RAPGEF4: variants seen among roughly 807,000 people sequenced by gnomAD.
RAPGEF4 encodes the protein RAP guanine-nucleotide-exchange factor (GEF) 4.
Under a neutral mutation model 147.9 loss-of-function variants are expected in RAPGEF4, and 66 were observed. The observed-to-expected ratio is 0.45, with a 90% CI of 0.37 to 0.55. The LOEUF (loss-of-function observed/expected upper bound fraction) is 0.55, where lower values mean the gene tolerates loss of function less well. Among genes scored for constraint, RAPGEF4 ranks in the 20% least tolerant of loss-of-function variants. The pLI is 0.00. For synonymous variants in RAPGEF4, 419 were observed against 442.7 expected, an observed-to-expected ratio of 0.95 and a Z score of 0.67; for missense variants, 1,071 against 1,257.3, an observed-to-expected ratio of 0.85 and a Z score of 2.24.
intron 4 of RAPGEF4, among the ~76,000 whole-genome samples, chr2:172,843,763 T>C (rs1691870184): frequency 6.6e-6 from 1 of 152,208 alleles, no homozygotes; most frequent in South Asian, 2.1e-4. Flanking sequence ...AGTCATAATT[T>C]CATGGATGAG....
chr2:172,965,690 T>C lies in RAPGEF4; in HGVS notation c.820+7T>C, dbSNP rs1404535490. The C allele has an allele frequency of 6.2e-7, 1 of 1,614,056 alleles. No individual in the cohort carries two copies. Among genetic ancestry groups the C allele is most frequent in the African/African-American group, 1.3e-5 (1 of 74,946 alleles). ...GATGGTGTTCTCAACCACGGTAAGATGAGCCCCAGTCCCTGGAAACCTCTC... is the reference window on the plus strand; with the variant it reads ...GATGGTGTTCTCAACCACGGTAAGACGAGCCCCAGTCCCTGGAAACCTCTC... On this transcript the variant is annotated splice_region_variant and intron_variant, in intron 9 of 30. Transcript: ENST00000397081.
chr2:172,776,097 G>C (rs1684135608), intron 1 of RAPGEF4, among the ~76,000 whole-genome samples: 1 of 152,092 alleles, frequency 6.6e-6, no homozygotes, highest in African/African-American at 2.4e-5. Context: ...ATGTCATCCT[G>C]ATTTATTTTT....
rs117903150 is a variant in RAPGEF4, at chr2:173,009,262, A to G, written c.1659-5202A>G. 5.9e-5 allele frequency among the ~76,000 whole-genome samples: 9 copies of G among 152,308 alleles called. No individual in the cohort carries two copies. The East Asian group carries it at 1.7e-3, about 29-fold the overall frequency. Reference sequence around the variant, plus strand: ...TTAAAGGCTCTTAAATAGCTGTGATATTTTTAAAGGTTTTTTGTTTTTTTA... The same window carrying G: ...TTAAAGGCTCTTAAATAGCTGTGATGTTTTTAAAGGTTTTTTGTTTTTTTA... On this transcript the variant is annotated intron_variant, in intron 17 of 30. Transcript: ENST00000397081.
intron 4 of RAPGEF4, among the ~76,000 whole-genome samples, chr2:172,912,934 C>T (rs1343251484): frequency 7.0e-6 from 1 of 142,668 alleles, no homozygotes; most frequent in Non-Finnish European, 1.5e-5. Flanking sequence ...GTTTGTCTGT[C>T]GCCCAGGATG....
chr2:172,857,688 C>G (rs1214938965), intron 4 of RAPGEF4, among the ~76,000 whole-genome samples: 1 of 151,838 alleles, frequency 6.6e-6, no homozygotes, highest in Non-Finnish European at 1.5e-5. Context: ...TTGAGACCAG[C>G]CTGCGAAACA....
rs573347991 is a variant in RAPGEF4 at position 172,960,769 on chromosome 2, A to G, written c.547A>G (p.Ile183Val). Reference sequence around the variant, plus strand: ...ACATTTTATTTTTCAGACACCTCTCATTGAACCTCACGTTCCTCTTCGTCC... The same window carrying G: ...ACATTTTATTTTTCAGACACCTCTCGTTGAACCTCACGTTCCTCTTCGTCC... Reference protein sequence around the residue: ...RIPDKENTPLIEPHVPLRPAN... With the variant: ...RIPDKENTPLVEPHVPLRPAN... Residue 183 changes from isoleucine (I) to valine (V), a missense_variant, in exon 7 of 31, where the codon ATT (isoleucine) becomes GTT (valine). Transcript: ENST00000397081. The G allele has an allele frequency of 1.5e-5, 24 of 1,604,334 alleles. No individual in the cohort carries two copies. Among genetic ancestry groups the G allele is most frequent in the Non-Finnish European group, 2.0e-5 (24 of 1,175,288 alleles).
chr2:173,024,143 G>C (rs980436776), intron 23 of RAPGEF4, among the ~76,000 whole-genome samples: 1 of 152,030 alleles, frequency 6.6e-6, no homozygotes, highest in Non-Finnish European at 1.5e-5. Context: ...ACAGTATTTC[G>C]CTCCTACATC....
intron 1 of RAPGEF4, among the ~76,000 whole-genome samples, chr2:172,784,248 G>C (rs1272259491): frequency 6.6e-6 from 1 of 152,192 alleles, no homozygotes; most frequent in Non-Finnish European, 1.5e-5. Flanking sequence ...GCCTGGAGCG[G>C]TGGCTCACGC....
At chr2:172,974,974 C>A (rs1177128600) in intron 10 of RAPGEF4, among the ~76,000 whole-genome samples, 1 of 152,256 alleles carries the variant, frequency 6.6e-6, no homozygotes, top group East Asian at 1.9e-4. Flanking sequence ...GTTTTACAAT[C>A]CATTGTCAAA....
At chr2:172,960,888 G>T in intron 7 of RAPGEF4, 75 bp downstream of exon 7, 2 of 1,237,884 alleles carry the variant, frequency 1.6e-6, no homozygotes, top group South Asian at 1.3e-5. Flanking sequence ...CCATATGTCA[G>T]GGGATCACAT....
intron 6 of RAPGEF4, among the ~76,000 whole-genome samples, chr2:172,930,751 A>C (rs1685835345): frequency 6.6e-6 from 1 of 152,218 alleles, no homozygotes; most frequent in African/African-American, 2.4e-5. Context: ...TCAGCCCAGT[A>C]CCTAAGCCTG....
intron 1 of RAPGEF4, among the ~76,000 whole-genome samples, chr2:172,779,590 G>A (rs1222103827): frequency 6.6e-6 from 1 of 152,190 alleles, no homozygotes; most frequent in African/African-American, 2.4e-5. Context: ...GCCAGGTGAT[G>A]TGGAAACTTT....
intron 4 of RAPGEF4, among the ~76,000 whole-genome samples, chr2:172,834,727 CT>C (rs1690735505): frequency 6.6e-6 from 1 of 152,124 alleles, no homozygotes; most frequent in Non-Finnish European, 1.5e-5. Flanking sequence ...AAACAAATGA[CT>C]TTTAACCACT....
chr2:172,877,353 A>G (rs1696075785), intron 4 of RAPGEF4, among the ~76,000 whole-genome samples: 1 of 152,136 alleles, frequency 6.6e-6, no homozygotes, highest in African/African-American at 2.4e-5. Context: ...AACATCACAC[A>G]TTGGGTCCTG....
intron 6 of RAPGEF4, among the ~76,000 whole-genome samples, chr2:172,937,746 A>G (rs576837874): frequency 1.3e-5 from 2 of 152,212 alleles, no homozygotes; most frequent in East Asian, 3.9e-4. Flanking sequence ...ATTGTTTGGA[A>G]TTCCTCTGTG....
chr2:172,970,006 A>G (rs902628137), intron 10 of RAPGEF4, among the ~76,000 whole-genome samples: 8 of 152,108 alleles, frequency 5.3e-5, no homozygotes, highest in African/African-American at 1.7e-4. Flanking sequence ...GGATTTTCCC[A>G]TCTTCTTAGG....
At chr2:172,749,213 G>A (rs999693368) in intron 1 of RAPGEF4, among the ~76,000 whole-genome samples, 14 of 152,334 alleles carry the variant, frequency 9.2e-5, no homozygotes, top group Admixed American at 3.9e-4. Flanking sequence ...ACCCAGTAGC[G>A]ACTCTGAGTA....
At chr2:172,742,169 A>C (rs930799213) in intron 1 of RAPGEF4, among the ~76,000 whole-genome samples, 1 of 152,258 alleles carries the variant, frequency 6.6e-6, no homozygotes, top group African/African-American at 2.4e-5. Context: ...TACCACACAC[A>C]TTAAACAACT....
chr2:172,930,524 G>A (rs1378655985), intron 6 of RAPGEF4, among the ~76,000 whole-genome samples: 1 of 151,870 alleles, frequency 6.6e-6, no homozygotes, highest in Non-Finnish European at 1.5e-5. Context: ...CTCTTTGTTT[G>A]CCCCCCTCTT....
Sources: gnomAD v4.1 joint callset for allele counts (sites outside exome capture counted in the v4.1 genomes callset) on GRCh38, gnomAD v4.1.1 for gene constraint, MANE v1.5 for transcripts, NCBI Gene and HGNC (gene_info 2026-07-23, HGNC 2026-07-21) for gene names.